FAM135A: variants seen among roughly 807,000 people sequenced by gnomAD.
FAM135A encodes the protein protein FAM135A.
FAM135A carries 79 observed loss-of-function variants against 146.8 expected under a neutral mutation model. The ratio of observed to expected loss-of-function variants is 0.54; its 90% confidence interval spans 0.45 to 0.65. The LOEUF is 0.65. FAM135A is among the 30% of genes least tolerant of loss of function. The probability of loss-of-function intolerance (pLI) is 0.00; values close to 1 mark genes in which losing one functional copy is unlikely to be tolerated. For synonymous variants in FAM135A, 562 were observed against 603.6 expected (o/e 0.93, Z 1.01); for missense variants, 1,623 against 1,758.2 (o/e 0.92, Z 1.38).
At chr6:70,509,079 G>A (rs1009274396) in intron 12 of FAM135A, among the ~76,000 whole-genome samples, 1 of 152,098 alleles carries the variant, frequency 6.6e-6, no homozygotes, top group African/African-American at 2.4e-5. Flanking sequence ...TTGATATGGT[G>A]ACTCTGCTAT....
At chr6:70,530,934 T>TC (rs1795683772) in intron 16 of FAM135A, among the ~76,000 whole-genome samples, 1 of 152,216 alleles carries the variant, frequency 6.6e-6, no homozygotes, top group African/African-American at 2.4e-5. Flanking sequence ...GTCAGTGCCT[T>TC]CTTTTTTACA....
chr6:70,428,390 G>T lies in FAM135A; in HGVS notation c.48G>T (p.Lys16Asn), dbSNP rs202239994. ...AMVEFSVELN[K>N]FYNVDLFQRG... ...TAGAATTCTCTGTGGAGCTAAACAAGTTCTACAATGTGGATTTGTTTCAGA... is the reference window on the plus strand; with the variant it reads ...TAGAATTCTCTGTGGAGCTAAACAATTTCTACAATGTGGATTTGTTTCAGA... The change falls in exon 4 of 22, where the codon AAG (lysine) becomes AAT (asparagine). Residue 16 changes from lysine (K) to asparagine (N), a missense_variant. Around this residue, in one of 7 missense-constraint regions of FAM135A, gnomAD observed 171 missense variants for 164.9 expected, o/e 1.04. Transcript: ENST00000418814. The T allele has an allele frequency of 5.6e-6, 9 of 1,603,470 alleles. No individual in the cohort carries two copies. The African/African-American group carries it at 8.0e-5, about 14-fold the overall frequency.
intron 12 of FAM135A, among the ~76,000 whole-genome samples, chr6:70,506,899 A>G (rs545480832): frequency 9.9e-5 from 15 of 152,066 alleles, no homozygotes; most frequent in African/African-American, 3.6e-4. Flanking sequence ...GGTCGCAAGG[A>G]TTAGAGGCAA....
At chr6:70,485,352 A>G (rs1467844433) in intron 10 of FAM135A, among the ~76,000 whole-genome samples, 1 of 152,042 alleles carries the variant, frequency 6.6e-6, no homozygotes, top group Non-Finnish European at 1.5e-5. Flanking sequence ...TTTATTGTGA[A>G]TTTTAGTTTA....
intron 10 of FAM135A, among the ~76,000 whole-genome samples, chr6:70,485,400 C>G (rs997485895): frequency 9.9e-5 from 15 of 151,966 alleles, no homozygotes; most frequent in African/African-American, 3.6e-4. Flanking sequence ...TCTAAAAATA[C>G]TATTAACTTA....
chr6:70,478,300 T>C (rs1028513939), intron 8 of FAM135A, among the ~76,000 whole-genome samples: 3 of 152,204 alleles, frequency 2.0e-5, no homozygotes, highest in Non-Finnish European at 4.4e-5. Flanking sequence ...CTTCAGTTTT[T>C]ACAACATCAT....
At chr6:70,465,551 C>G (rs111454087) in intron 5 of FAM135A, among the ~76,000 whole-genome samples, 1 of 152,104 alleles carries the variant, frequency 6.6e-6, no homozygotes, top group South Asian at 2.1e-4. Context: ...CCATGAGTCA[C>G]ATATGTTTTG....
chr6:70,475,870 A>G, intron 7 of FAM135A, 137 bp downstream of exon 7: 2 of 673,006 alleles, frequency 3.0e-6, no homozygotes, highest in East Asian at 2.8e-5. Flanking sequence ...GGGAAACTTC[A>G]TGAGAATGAT....
chr6:70,484,745 G>A (rs1784314140), intron 10 of FAM135A, among the ~76,000 whole-genome samples: 1 of 152,170 alleles, frequency 6.6e-6, no homozygotes, highest in Non-Finnish European at 1.5e-5. Flanking sequence ...GTGCTTGCTC[G>A]CCTGCTGCTC....
chr6:70,556,961 C>A, intron 21 of FAM135A, 98 bp downstream of exon 21: 1 of 831,072 alleles, frequency 1.2e-6, no homozygotes, highest in East Asian at 2.6e-5. Flanking sequence ...TCACCCTTCT[C>A]TTTCCTGTTA....
chr6:70,469,700 A>G (rs1039688040), intron 5 of FAM135A, among the ~76,000 whole-genome samples: 2 of 152,086 alleles, frequency 1.3e-5, no homozygotes, highest in African/African-American at 4.8e-5. Context: ...CTGCTTCTTG[A>G]TGAGAAAAGA....
chr6:70,443,810 G>A (rs1161663283), intron 4 of FAM135A, among the ~76,000 whole-genome samples: 2 of 151,518 alleles, frequency 1.3e-5, no homozygotes, highest in Non-Finnish European at 2.9e-5. Flanking sequence ...CTTAATTAAG[G>A]TTTGCTGGAA....
chr6:70,519,488 C>CATCACAT (rs2128325102), intron 12 of FAM135A, among the ~76,000 whole-genome samples: 1 of 152,320 alleles, frequency 6.6e-6, no homozygotes, highest in Non-Finnish European at 1.5e-5. Flanking sequence ...TGTTAAACTG[C>CATCACAT]ATCACATGCT....
intron 10 of FAM135A, among the ~76,000 whole-genome samples, chr6:70,487,382 T>A (rs1784893503): frequency 6.6e-6 from 1 of 152,108 alleles, no homozygotes; most frequent in South Asian, 2.1e-4. Context: ...GTTTTCACTT[T>A]GCGTTCAGTA....
At chr6:70,421,175 C>G (rs1004710359) in intron 2 of FAM135A, among the ~76,000 whole-genome samples, 1 of 152,054 alleles carries the variant, frequency 6.6e-6, no homozygotes, top group African/African-American at 2.4e-5. Context: ...TGAGCCACCA[C>G]GCCTGGCCCA....
intron 10 of FAM135A, among the ~76,000 whole-genome samples, chr6:70,482,925 T>G (rs1239352881): frequency 7.1e-6 from 1 of 141,722 alleles, no homozygotes; most frequent in African/African-American, 2.4e-5. Context: ...GAATATATTG[T>G]TTTATAAGTT....
intron 4 of FAM135A, among the ~76,000 whole-genome samples, chr6:70,442,026 G>T (rs1161192584): frequency 1.3e-5 from 2 of 151,974 alleles, no homozygotes; most frequent in African/African-American, 2.4e-5. Context: ...AATGTATACT[G>T]ATATTTTCAA....
At chr6:70,504,568 T>C (rs911344387) in intron 12 of FAM135A, 1 of 152,142 alleles carries the variant, frequency 6.6e-6, no homozygotes, top group Non-Finnish European at 1.5e-5. Context: ...TTTGAGACAA[T>C]TGGGTATCCA....
At chr6:70,517,396 T>G (rs1446504220) in intron 12 of FAM135A, among the ~76,000 whole-genome samples, 1 of 147,616 alleles carries the variant, frequency 6.8e-6, no homozygotes, top group Non-Finnish European at 1.5e-5. Flanking sequence ...CCAGGCATGG[T>G]GGTGTGCACG....
Sources: gnomAD v4.1 joint callset for allele counts (sites outside exome capture counted in the v4.1 genomes callset) on GRCh38, gnomAD v4.1.1 for gene constraint, gnomAD v4.1.1 regional missense constraint, MANE v1.5 for transcripts, NCBI Gene and HGNC (gene_info 2026-07-23, HGNC 2026-07-21) for gene names.